Variants in PTPRM observed in about 807,000 individuals in gnomAD.
PTPRM encodes receptor-type tyrosine-protein phosphatase mu.
Under a neutral mutation model 186.7 loss-of-function variants are expected in PTPRM, and 47 were observed. The observed-to-expected ratio is 0.25, with a 90% CI of 0.20 to 0.32. The LOEUF (loss-of-function observed/expected upper bound fraction) is 0.32. Ranked by LOEUF, PTPRM falls within the 10% of genes least tolerant of loss-of-function variation. The pLI is 1.00. For synonymous variants in PTPRM, 668 were observed against 674.9 expected (o/e 0.99, Z 0.16); for missense variants, 1,494 against 1,865.0 (o/e 0.80, Z 3.66).
intron 2 of PTPRM, among the ~76,000 whole-genome samples, chr18:7,817,906 T>C (rs1338986979): frequency 6.6e-6 from 1 of 152,142 alleles, no homozygotes; most frequent in African/African-American, 2.4e-5. Flanking sequence ...TACAGACCTC[T>C]CTATTTGAGC....
rs372952600 is a variant in PTPRM, at chr18:8,376,431, C to T, written c.3327-31C>T. The T allele has an allele frequency of 1.1e-5, 17 of 1,613,734 alleles. No homozygotes were observed. The African/African-American group carries it at 2.1e-4, about 20-fold the overall frequency. On this transcript the variant is annotated intron_variant, in intron 25 of 32. Coordinates refer to ENST00000580170, the MANE Select transcript of PTPRM (RefSeq NM_001105244.2). ...CAGCAGCAGCAGTGTGGTCCTTCTT[C>T]CTCCACTGACAGACCCCCCTTTTCA...
chr18:7,865,683 G>A (rs189297194), intron 2 of PTPRM, among the ~76,000 whole-genome samples: 1 of 152,276 alleles, frequency 6.6e-6, no homozygotes, highest in Admixed American at 6.5e-5. Flanking sequence ...TTGGTATCAG[G>A]ATGATGCCGG....
At chr18:8,162,627 G>C (rs966230126) in intron 14 of PTPRM, among the ~76,000 whole-genome samples, 5 of 152,308 alleles carry the variant, frequency 3.3e-5, no homozygotes, top group Admixed American at 1.3e-4. Flanking sequence ...CGGAGACCCA[G>C]AGATCATCTA....
At chr18:8,139,763 C>T (rs1191835920) in intron 13 of PTPRM, among the ~76,000 whole-genome samples, 1 of 151,358 alleles carries the variant, frequency 6.6e-6, no homozygotes, top group Non-Finnish European at 1.5e-5. Flanking sequence ...TCCAATCCCC[C>T]ATCCTAATAG....
At chr18:8,332,010 A>G (rs556878314) in intron 22 of PTPRM, among the ~76,000 whole-genome samples, 1 of 152,342 alleles carries the variant, frequency 6.6e-6, no homozygotes, top group African/African-American at 2.4e-5. Context: ...TTCCTTCCTA[A>G]CAGGCTTCAT....
chr18:7,815,083 A>G (rs1380167812), intron 2 of PTPRM: 1 of 152,220 alleles, frequency 6.6e-6, no homozygotes, highest in Admixed American at 6.5e-5. Context: ...AGGAACTGAA[A>G]CTTTCCAGAT....
chr18:8,331,220 A>G (rs2095410709), intron 22 of PTPRM, among the ~76,000 whole-genome samples: 1 of 152,172 alleles, frequency 6.6e-6, no homozygotes, highest in Non-Finnish European at 1.5e-5. Flanking sequence ...AAATGCAAAT[A>G]ATGGTTTCTT....
At chr18:7,751,932 G>C (rs953562378) in intron 1 of PTPRM, among the ~76,000 whole-genome samples, 20 of 152,314 alleles carry the variant, frequency 1.3e-4, no homozygotes, top group African/African-American at 4.3e-4. Flanking sequence ...TGTGTTGAGT[G>C]CTACCAATGT....
chr18:7,672,016 G>T (rs922247379), intron 1 of PTPRM, among the ~76,000 whole-genome samples: 2 of 152,144 alleles, frequency 1.3e-5, no homozygotes, highest in African/African-American at 2.4e-5. Flanking sequence ...AGTTTATTTA[G>T]GATTCAGTTA....
At chr18:7,629,789 A>G (rs1012772796) in intron 1 of PTPRM, among the ~76,000 whole-genome samples, 4 of 152,176 alleles carry the variant, frequency 2.6e-5, no homozygotes, top group African/African-American at 9.7e-5. Flanking sequence ...GTGCAGACCC[A>G]CACACTCAAA....
At chr18:8,153,782 G>T (rs958697392) in intron 14 of PTPRM, among the ~76,000 whole-genome samples, 3 of 152,192 alleles carry the variant, frequency 2.0e-5, no homozygotes, top group African/African-American at 7.2e-5. Flanking sequence ...GGGTGTTATT[G>T]ATAGGTAATC....
chr18:7,831,262 A>G lies in PTPRM; in HGVS notation c.197-56844A>G, dbSNP rs143765693. 6.8e-3 allele frequency among the ~76,000 whole-genome samples: 1,029 copies of G among 152,164 alleles called. 7 individuals carry two copies. The highest frequency in any genetic ancestry group is 0.011 in the Non-Finnish European group (739 of 67,998). ...TTTGAAATAAATCTCTTGGGGAGCA[A>G]CTCTGCCTTTCTTATCATGTCAGTC... On this transcript the variant is annotated intron_variant, in intron 2 of 32. Coordinates refer to ENST00000580170, the MANE Select transcript of PTPRM (RefSeq NM_001105244.2).
intron 23 of PTPRM, among the ~76,000 whole-genome samples, chr18:8,363,828 A>T (rs1394324641): frequency 3.9e-5 from 6 of 152,242 alleles, no homozygotes; most frequent in African/African-American, 1.4e-4. Context: ...TTGTAGGATA[A>T]CACTTAAAAT....
chr18:7,914,303 T>C (rs2050429537), intron 4 of PTPRM, among the ~76,000 whole-genome samples: 1 of 152,176 alleles, frequency 6.6e-6, no homozygotes, highest in South Asian at 2.1e-4. Context: ...AAGTTATTTA[T>C]ATGTAGTGGC....
intron 23 of PTPRM, among the ~76,000 whole-genome samples, chr18:8,355,877 T>C (rs1257306682): frequency 6.6e-6 from 1 of 152,150 alleles, no homozygotes; most frequent in Non-Finnish European, 1.5e-5. Flanking sequence ...GACAGTCTAG[T>C]CAAGGCGCTG....
intron 1 of PTPRM, among the ~76,000 whole-genome samples, chr18:7,613,298 C>T (rs939823904): frequency 7.9e-5 from 12 of 152,140 alleles, no homozygotes; most frequent in Non-Finnish European, 1.6e-4. Flanking sequence ...ACAATTTAAT[C>T]CTTAATTATA....
chr18:8,108,278 G>A (rs2091608555), intron 11 of PTPRM, among the ~76,000 whole-genome samples: 1 of 151,844 alleles, frequency 6.6e-6, no homozygotes, highest in Non-Finnish European at 1.5e-5. Flanking sequence ...ATGATAAAAT[G>A]AACAATATTC....
chr18:7,578,481 G>T (rs1012096079), intron 1 of PTPRM, among the ~76,000 whole-genome samples: 7 of 151,740 alleles, frequency 4.6e-5, no homozygotes, highest in Non-Finnish European at 1.5e-5. Context: ...GGCTATAGGC[G>T]CCCGCCACCA....
At chr18:8,336,998 AAAAG>A (rs1309201027) in intron 22 of PTPRM, among the ~76,000 whole-genome samples, 1 of 152,138 alleles carries the variant, frequency 6.6e-6, no homozygotes, top group African/African-American at 2.4e-5. Context: ...ATACATTTTA[AAAAG>A]AAAGAAAAGA....
Sources: gnomAD v4.1 joint callset for allele counts (sites outside exome capture counted in the v4.1 genomes callset) on GRCh38, gnomAD v4.1.1 for gene constraint, MANE v1.5 for transcripts, NCBI Gene and HGNC (gene_info 2026-07-23, HGNC 2026-07-21) for gene names.